ALG1L2: variants seen among roughly 807,000 people sequenced by gnomAD.
ALG1L2 encodes ALG1 chitobiosyldiphosphodolichol beta-mannosyltransferase like 2, also known as putative glycosyltransferase ALG1L2.
Under a neutral mutation model 29.0 loss-of-function variants are expected in ALG1L2, and 32 were observed. The ratio of observed to expected loss-of-function variants is 1.10; its 90% CI spans 0.83 to 1.48. The LOEUF (loss-of-function observed/expected upper bound fraction) is 1.48, where lower values mean the gene tolerates loss of function less well. ALG1L2 is among the 40% of genes most tolerant of loss of function. ALG1L2 has a pLI of 0.00. For missense variants in ALG1L2, 318 were observed against 274.1 expected, an observed-to-expected ratio of 1.16 and a Z score of -1.13; for synonymous variants, 110 against 109.5, an observed-to-expected ratio of 1.00 and a Z score of -0.03.
chr3:130,083,898 G>A (rs1417010445), intron 1 of ALG1L2, among the ~76,000 whole-genome samples: 17 of 150,104 alleles, frequency 1.1e-4, no homozygotes, highest in Admixed American at 6.7e-4. Flanking sequence ...TGGTCGTGGG[G>A]ATGTGGGGTA....
chr3:130,095,533 T>A (rs1403630765), intron 5 of ALG1L2, among the ~76,000 whole-genome samples: 1 of 151,886 alleles, frequency 6.6e-6, no homozygotes. Context: ...CTTTCCCAGG[T>A]TCAAGTGATT....
intron 1 of ALG1L2, among the ~76,000 whole-genome samples, 158 bp downstream of exon 1, chr3:130,082,194 A>G (rs1207521491): frequency 1.3e-5 from 2 of 149,176 alleles, no homozygotes; most frequent in Non-Finnish European, 3.0e-5. Flanking sequence ...GCAGTGGGGA[A>G]GAGTGTGAGA....
Position 130,094,471 on chromosome 3 carries a change from T to C in ALG1L2, c.382T>C (p.Cys128Arg). The C allele has an allele frequency of 6.3e-7, 1 of 1,595,848 alleles. No individual in the cohort carries two copies. The highest frequency in any genetic ancestry group is 2.2e-5 in the East Asian group (1 of 44,814). ...GAAGCATTTCCAGCACATCCAGGTC[T>C]GCATCCCCTGGCTGGAGGGCCGAGG... ...HQKHFQHIQVCIPWLEGRGLP... is the reference protein window; with the variant it reads ...HQKHFQHIQVRIPWLEGRGLP... The change falls in exon 5 of 8, where the codon TGC (cysteine) becomes CGC (arginine). Residue 128 changes from cysteine (C) to arginine (R), a missense_variant. Transcript: ENST00000425059.
At chr3:130,084,278 C>A (rs370660150) in intron 1 of ALG1L2, among the ~76,000 whole-genome samples, 1 of 144,788 alleles carries the variant, frequency 6.9e-6, no homozygotes, top group Non-Finnish European at 1.5e-5. Flanking sequence ...CACAACATAG[C>A]GAGACCCCAT....
rs749669970 is a variant in ALG1L2 at position 130,081,987 on chromosome 3, T to A, written c.-30T>A. On this transcript the variant is annotated 5_prime_UTR_variant, in exon 1 of 8. Coordinates refer to ENST00000425059, the MANE Select transcript of ALG1L2 (RefSeq NM_001136152.1). ...GCTGGAGAAATAAGCAGTTCCTTGCTAAGAAGTCTGAATTTTAACCTGAAG... is the reference window on the plus strand; with the variant it reads ...GCTGGAGAAATAAGCAGTTCCTTGCAAAGAAGTCTGAATTTTAACCTGAAG... 5 of 1,470,412 alleles carry A rather than the reference T, an allele frequency of 3.4e-6. No homozygotes were observed. The highest frequency in any genetic ancestry group is 4.6e-6 in the Non-Finnish European group (5 of 1,075,634). The allele number at this position is 1,470,412 out of a possible 1,614,324, so 91.1% of individuals were successfully genotyped here.
Position 130,091,125 on chromosome 3 carries a change from A to G in ALG1L2, c.21-136A>G. Reference sequence around the variant, plus strand: ...TCAGGTCTTTAGGGGAAATTTCTGGAAACCAGGAAGAAGGAAATAAAGGTT... The same window carrying G: ...TCAGGTCTTTAGGGGAAATTTCTGGGAACCAGGAAGAAGGAAATAAAGGTT... On this transcript the variant is annotated intron_variant, in intron 1 of 7. Transcript: ENST00000425059. The G allele has an allele frequency of 4.9e-6, 4 of 816,074 alleles. No homozygotes were observed. The South Asian group carries it at 5.2e-5, about 11-fold the overall frequency. 50.6% of individuals were successfully genotyped at this position (816,074 alleles called of 1,614,324 possible). A position where few individuals can be genotyped will look rare whatever the true frequency, so the allele number is the denominator to read the frequency against.
At chr3:130,091,927 A>G in intron 2 of ALG1L2, 174 bp from the exon 3 acceptor site, 1 of 1,022,984 alleles carries the variant, frequency 9.8e-7, no homozygotes, top group Non-Finnish European at 1.5e-6. Context: ...ACCCAGCAAC[A>G]ATATTAGAGA....
chr3:130,091,549 A>G (rs1935013995), intron 2 of ALG1L2, among the ~76,000 whole-genome samples, 178 bp downstream of exon 2: 1 of 152,196 alleles, frequency 6.6e-6, no homozygotes, highest in African/African-American at 2.4e-5. Flanking sequence ...TTAACTTCTG[A>G]GTTGTCTACA....
At position 130,091,292 on chromosome 3, in the gene ALG1L2, T is replaced by G. The variant is rs1935006781; in HGVS notation, c.52T>G (p.Phe18Val). The change falls in exon 2 of 8, where the codon TTC becomes GTC. Residue 18 changes from phenylalanine to valine, a missense_variant. Phe to Val is a conservative substitution (Grantham distance 50, BLOSUM62 -1). Coordinates refer to ENST00000425059, the MANE Select transcript of ALG1L2 (RefSeq NM_001136152.1). ...GACCGTCTACGACAAGCCGGCATCTTTCTTTAAAGAGGCACCTCTGGACCT... is the reference window on the plus strand; with the variant it reads ...GACCGTCTACGACAAGCCGGCATCTGTCTTTAAAGAGGCACCTCTGGACCT... ...AVTVYDKPASFFKEAPLDLQH... is the reference protein window; with the variant it reads ...AVTVYDKPASVFKEAPLDLQH... 1 of 1,599,314 alleles carries G rather than the reference T, an allele frequency of 6.3e-7. No individual in the cohort carries two copies. Among genetic ancestry groups the G allele is most frequent in the South Asian group, 1.1e-5 (1 of 90,992 alleles).
At position 130,096,699 on chromosome 3, in the gene ALG1L2, A is replaced by C. The variant is rs557245711; in HGVS notation, c.540-476A>C. On this transcript the variant is annotated intron_variant, in intron 6 of 7. Transcript: ENST00000425059. Reference sequence around the variant, plus strand: ...GATTCTAGAAGCAGTAGCCCCAGCAAAAGTTGCGCCCTTGGCCCCTGCTCA... The same window carrying C: ...GATTCTAGAAGCAGTAGCCCCAGCACAAGTTGCGCCCTTGGCCCCTGCTCA... Among the ~76,000 whole-genome samples the C allele has an allele frequency of 6.0e-3, 912 of 152,222 alleles. 5 individuals are homozygous for C. Among genetic ancestry groups the C allele is most frequent in the Non-Finnish European group, 7.5e-3 (509 of 68,012 alleles).
rs1935187859 is a variant in ALG1L2, at chr3:130,098,208, A to C, written c.616-15A>C. 8 of 1,596,214 alleles carry C rather than the reference A, an allele frequency of 5.0e-6. No individual in the cohort carries two copies. Among genetic ancestry groups the C allele is most frequent in the Non-Finnish European group, 6.8e-6 (8 of 1,179,764 alleles). On this transcript the variant is annotated splice_polypyrimidine_tract_variant and intron_variant, in intron 7 of 7. Coordinates refer to ENST00000425059, the MANE Select transcript of ALG1L2 (RefSeq NM_001136152.1). Reference sequence around the variant, plus strand: ...TGGGGTGGGGACAGGCAATGAGGTAAGCTCTGCTCTTCAGTATTTTGCAGA... The same window carrying C: ...TGGGGTGGGGACAGGCAATGAGGTACGCTCTGCTCTTCAGTATTTTGCAGA...
At position 130,082,400 on chromosome 3, in the gene ALG1L2, C is replaced by G. The variant is rs375746494; in HGVS notation, c.20+364C>G. ...TCGCCCAGGCTGGAGTGCACTGGCA[C>G]CATCTCGGCTTACTGCGACCTCCAC... On this transcript the variant is annotated intron_variant, in intron 1 of 7. Coordinates refer to ENST00000425059, the MANE Select transcript of ALG1L2 (RefSeq NM_001136152.1). 3.0e-4 allele frequency among the ~76,000 whole-genome samples: 36 copies of G among 120,828 alleles called. 4 individuals are homozygous for G. The South Asian group carries it at 7.0e-3, about 23-fold the overall frequency. The allele number at this position is 120,828 out of a possible 152,430, so 79.3% of individuals were successfully genotyped here. A position where few individuals can be genotyped will look rare whatever the true frequency, so the allele number is the denominator to read the frequency against.
At chr3:130,092,009 G>A (rs755177023) in intron 2 of ALG1L2, 92 bp from the exon 3 acceptor site, 4 of 1,571,808 alleles carry the variant, frequency 2.5e-6, no homozygotes, top group Non-Finnish European at 3.5e-6. Context: ...CAACCGTTGG[G>A]AGCCTGCAGG....
Position 130,094,502 on chromosome 3 carries a change from C to T in ALG1L2, c.413C>T (p.Pro138Leu). The change falls in exon 5 of 8, where the codon CCC (proline) becomes CTC (leucine). Residue 138 changes from proline (P) to leucine (L), a missense_variant. Physicochemically the swap from Pro to Leu is moderately conservative, Grantham distance 98 (BLOSUM62 -3). Transcript: ENST00000425059. ...CCCTGGCTGGAGGGCCGAGGACTAC[C>T]CCCGCTTCTAGGTGAGAGGCCAGCA... ...CIPWLEGRGL[P>L]PLLGSVDLDV... 3 of 1,595,758 alleles carry T rather than the reference C, an allele frequency of 1.9e-6. No homozygotes were observed. Among genetic ancestry groups the T allele is most frequent in the South Asian group, 1.1e-5 (1 of 90,972 alleles).
At chr3:130,091,741 G>C (rs1935018592) in intron 2 of ALG1L2, 7 of 583,904 alleles carry the variant, frequency 1.2e-5, no homozygotes, top group Non-Finnish European at 2.2e-5. Context: ...GTGTCTCATG[G>C]GGCTAAGGAA....
Position 130,092,143 on chromosome 3 carries a change from G to C in ALG1L2, c.174G>C (p.Thr58=). Residue 58 remains threonine, a synonymous_variant, in exon 3 of 8, where the codon ACG becomes ACC. Transcript: ENST00000425059. ...EDPDTERSAF[T]ERDSGSGLVT... is the part of the protein sequence containing the mutation. ...CAGACACAGAGCGGTCGGCCTTCACGGAGCGGGATTCTGGGAGCGGGCTGG... is the reference window on the plus strand; with the variant it reads ...CAGACACAGAGCGGTCGGCCTTCACCGAGCGGGATTCTGGGAGCGGGCTGG... 1 of 1,613,578 alleles carries C rather than the reference G, an allele frequency of 6.2e-7. No individual in the cohort carries two copies. Among genetic ancestry groups the C allele is most frequent in the Admixed American group, 1.7e-5 (1 of 59,996 alleles).
Position 130,096,075 on chromosome 3 carries a change from G to C in ALG1L2, c.451G>C (p.Asp151His), listed in dbSNP as rs111837327. 129 of 1,582,658 alleles carry C rather than the reference G, an allele frequency of 8.2e-5. No individual in the cohort carries two copies. The highest frequency in any genetic ancestry group is 1.5e-4 in the African/African-American group (10 of 68,902). Reference protein sequence around the residue: ...LGSVDLDVCLDTSSSGLDLPM... With the variant: ...LGSVDLDVCLHTSSSGLDLPM... ...GTCGGTGGACCTGGATGTCTGTCTG[G>C]ACACGTCCTCCAGTGGCCTGGACCT... The change falls in exon 6 of 8, where the codon GAC becomes CAC. Residue 151 changes from aspartate (D) to histidine (H), a missense_variant. Coordinates refer to ENST00000425059, the MANE Select transcript of ALG1L2 (RefSeq NM_001136152.1).
Position 130,094,432 on chromosome 3 carries a change from C to T in ALG1L2, c.343C>T (p.Arg115Cys), listed in dbSNP as rs747045771. The change falls in exon 5 of 8, where the codon CGC (arginine) becomes TGC (cysteine). Residue 115 changes from arginine (R) to cysteine (C), a missense_variant. Coordinates refer to ENST00000425059, the MANE Select transcript of ALG1L2 (RefSeq NM_001136152.1). ...AGGGCCTCTGAGGGAGTATTACAGC[C>T]GCCTCATCCACCAGAAGCATTTCCA... ...GKGPLREYYS[R>C]LIHQKHFQHI... 1.3e-5 allele frequency: 21 copies of T among 1,596,162 alleles called. No homozygotes were observed. Among genetic ancestry groups the T allele is most frequent in the Non-Finnish European group, 1.5e-5 (18 of 1,179,680 alleles).
chr3:130,091,735 C>G (rs191653099), intron 2 of ALG1L2: 62 of 579,836 alleles, frequency 1.1e-4, no homozygotes, highest in African/African-American at 1.1e-3. Context: ...CCTGGGGTGT[C>G]TCATGGGGCT....
Sources: gnomAD v4.1 joint callset for allele counts (sites outside exome capture counted in the v4.1 genomes callset) on GRCh38, gnomAD v4.1.1 for gene constraint, MANE v1.5 for transcripts, NCBI Gene and HGNC (gene_info 2026-07-23, HGNC 2026-07-21) for gene names.